The following TESK2 variants were observed in gnomAD, a reference collection of about 807,000 sequenced individuals.
TESK2 encodes the protein testis associated actin remodelling kinase 2.
In TESK2, 39 loss-of-function variants were observed where a neutral mutation model predicts 57.1. That is an observed-to-expected ratio of 0.68 (90% CI 0.53 to 0.89). The LOEUF is 0.89. TESK2 is among the 40% of genes least tolerant of loss of function. The pLI is 0.00. For missense variants in TESK2, 646 were observed against 732.1 expected (o/e 0.88, Z 1.36); for synonymous variants, 249 against 267.9 (o/e 0.93, Z 0.69).
At chr1:45,382,112 T>C (rs1648683641) in intron 4 of TESK2, among the ~76,000 whole-genome samples, 1 of 152,084 alleles carries the variant, frequency 6.6e-6, no homozygotes, top group Non-Finnish European at 1.5e-5. Context: ...CCTCAGGCAA[T>C]CCTTCTGCCT....
chr1:45,420,228 AT>A (rs1190540906), intron 3 of TESK2, among the ~76,000 whole-genome samples: 1 of 151,954 alleles, frequency 6.6e-6, no homozygotes, highest in Non-Finnish European at 1.5e-5. Context: ...TTTAAGAAAA[AT>A]TTTTTTTAAC....
chr1:45,383,440 T>C (rs1648740653), intron 4 of TESK2, among the ~76,000 whole-genome samples: 1 of 152,166 alleles, frequency 6.6e-6, no homozygotes, highest in Non-Finnish European at 1.5e-5. Flanking sequence ...CAAAATCTCA[T>C]TAATGCTGCT....
chr1:45,346,468 C>T (rs1647145338), intron 9 of TESK2, among the ~76,000 whole-genome samples: 1 of 152,224 alleles, frequency 6.6e-6, no homozygotes, highest in Non-Finnish European at 1.5e-5. Context: ...TGGGTCTACC[C>T]TACAGGTTGA....
chr1:45,425,097 A>G (rs1279194077), intron 2 of TESK2, among the ~76,000 whole-genome samples: 1 of 152,198 alleles, frequency 6.6e-6, no homozygotes, highest in Non-Finnish European at 1.5e-5. Flanking sequence ...GGGCATCCAA[A>G]TTGGAAAGGA....
chr1:45,353,696 C>A (rs1299556842), intron 5 of TESK2, among the ~76,000 whole-genome samples: 3 of 152,190 alleles, frequency 2.0e-5, no homozygotes, highest in Non-Finnish European at 4.4e-5. Context: ...TAATTCAGTT[C>A]TTGGGCAGCA....
intron 4 of TESK2, among the ~76,000 whole-genome samples, chr1:45,367,427 G>C (rs1647975338): frequency 1.3e-5 from 2 of 149,346 alleles, no homozygotes; most frequent in South Asian, 4.2e-4. Context: ...TTGAGATGGA[G>C]TCTCTGTTGA....
intron 5 of TESK2, among the ~76,000 whole-genome samples, chr1:45,352,445 A>C (rs1462477172): frequency 6.6e-6 from 1 of 152,182 alleles, no homozygotes; most frequent in Non-Finnish European, 1.5e-5. Flanking sequence ...ACAAGCCCAG[A>C]CAGAACCACA....
At chr1:45,357,448 T>C (rs1043263787) in intron 4 of TESK2, among the ~76,000 whole-genome samples, 2 of 151,104 alleles carry the variant, frequency 1.3e-5, no homozygotes, top group African/African-American at 4.9e-5. Context: ...CGAGTAAGAC[T>C]GAAGTGAACA....
Position 45,346,690 on chromosome 1 carries a change from C to T in TESK2, c.879+3G>A. The stretch of plus-strand genomic sequence containing the variant: ...TGAAAGGCAGAGGGAGAAAGACACT[C>T]ACGTTACAGCAGTTGAAAGTAAGTT... On this transcript the variant is annotated splice_donor_region_variant and intron_variant, in intron 9 of 10. Coordinates refer to ENST00000372086, the MANE Select transcript of TESK2 (RefSeq NM_007170.3). The T allele has an allele frequency of 6.2e-7, 1 of 1,612,226 alleles. No individual in the cohort carries two copies. Among genetic ancestry groups the T allele is most frequent in the South Asian group, 1.1e-5 (1 of 90,530 alleles).
intron 3 of TESK2, among the ~76,000 whole-genome samples, chr1:45,403,474 CAG>C (rs1331987455): frequency 6.6e-6 from 1 of 152,130 alleles, no homozygotes; most frequent in Non-Finnish European, 1.5e-5. Flanking sequence ...CATTAACCAC[CAG>C]AGTCTCACAT....
rs1201709654 is a variant in TESK2 at position 45,345,870 on chromosome 1, C to G, written c.997+7G>C. ...GTTAGGTTGGGCTCCCTGGTCTAAT[C>G]TCTTACCCCTGGCTGTGGGCTGCAG... is the stretch of plus-strand genomic sequence containing the variant. On this transcript the variant is annotated splice_region_variant and intron_variant, in intron 10 of 10. Coordinates refer to ENST00000372086, the MANE Select transcript of TESK2 (RefSeq NM_007170.3). 3 of 1,611,904 alleles carry G rather than the reference C, an allele frequency of 1.9e-6. No individual in the cohort carries two copies. Among genetic ancestry groups the G allele is most frequent in the Non-Finnish European group, 2.5e-6 (3 of 1,178,382 alleles).
intron 4 of TESK2, among the ~76,000 whole-genome samples, chr1:45,384,354 T>C (rs61791366): frequency 1.7e-3 from 244 of 142,844 alleles, no homozygotes; most frequent in East Asian, 8.7e-3. Context: ...TATGTATGTA[T>C]GTACGTACGT....
At chr1:45,449,671 C>T (rs959311271) in intron 2 of TESK2, among the ~76,000 whole-genome samples, 7 of 152,122 alleles carry the variant, frequency 4.6e-5, no homozygotes, top group Admixed American at 3.9e-4. Context: ...ACCCATTTTA[C>T]AAGTTTTGAT....
At chr1:45,400,622 GCATT>G (rs1419945507) in intron 3 of TESK2, among the ~76,000 whole-genome samples, 1 of 152,092 alleles carries the variant, frequency 6.6e-6, no homozygotes, top group African/African-American at 2.4e-5. Context: ...GGTGGCATTC[GCATT>G]CAGTCAGTCA....
At chr1:45,438,185 T>C (rs1651305708) in intron 2 of TESK2, among the ~76,000 whole-genome samples, 1 of 152,152 alleles carries the variant, frequency 6.6e-6, no homozygotes, top group Admixed American at 6.5e-5. Context: ...TCTTTTCTGA[T>C]AGAGTAGTTA....
intron 3 of TESK2, chr1:45,414,937 A>C: frequency 4.0e-6 from 2 of 497,630 alleles, no homozygotes; most frequent in East Asian, 8.4e-5. Flanking sequence ...GGCACTCAAC[A>C]AGTGTTTAGT....
In TESK2 at chr1:45,483,095, C is replaced by T. The variant is rs779001351; in HGVS notation, c.-87+7757G>A. ...GAGATCAAGACCATCCTGGCTAACA[C>T]GGCGAAACCCCATCTCTACTAAAAA... On this transcript the variant is annotated intron_variant, in intron 1 of 10. Coordinates refer to ENST00000372086, the MANE Select transcript of TESK2 (RefSeq NM_007170.3). Among the ~76,000 whole-genome samples the T allele has an allele frequency of 8.7e-5, 13 of 150,208 alleles. 1 individual carries two copies. Among genetic ancestry groups the T allele is most frequent in the South Asian group, 4.2e-4 (2 of 4,792 alleles).
At position 45,441,021 on chromosome 1, in the gene TESK2, G is replaced by A. The variant is rs78637767; in HGVS notation, c.222+16543C>T. Among the ~76,000 whole-genome samples the A allele has an allele frequency of 5.5e-4, 84 of 152,314 alleles. No homozygotes were observed. In the East Asian group the frequency reaches 0.013, roughly 23 times the overall value. On this transcript the variant is annotated intron_variant, in intron 2 of 10. Transcript: ENST00000372086. Reference sequence around the variant, plus strand: ...AGCAGCTCTGACTGACACCTTCACTGTAGCTTTCAGAGACCTTGAAGAAGG... The same window carrying A: ...AGCAGCTCTGACTGACACCTTCACTATAGCTTTCAGAGACCTTGAAGAAGG...
At chr1:45,390,921 C>CTT (rs776953314) in intron 3 of TESK2, among the ~76,000 whole-genome samples, 4 of 129,066 alleles carry the variant, frequency 3.1e-5, no homozygotes, top group East Asian at 4.6e-4. Context: ...AGCTACATTT[C>CTT]TTTTTTTTTT....
Sources: allele counts gnomAD v4.1 joint callset (sites outside exome capture counted in the v4.1 genomes callset), GRCh38; gene constraint gnomAD v4.1.1; transcripts MANE v1.5; gene names NCBI Gene and HGNC (gene_info 2026-07-23, HGNC 2026-07-21).